STIM1: variants seen among roughly 807,000 people sequenced by gnomAD.
STIM1 encodes stromal interaction molecule 1.
Under a neutral mutation model 74.7 loss-of-function variants are expected in STIM1, and 25 were observed. The ratio of observed to expected loss-of-function variants is 0.33; its 90% CI spans 0.24 to 0.47. STIM1 has a LOEUF of 0.47. Ranked by LOEUF, STIM1 falls within the 20% of genes least tolerant of loss-of-function variation. STIM1 has a pLI of 1.00. For synonymous variants in STIM1, 328 were observed against 348.8 expected, an observed-to-expected ratio of 0.94 and a Z score of 0.66; for missense variants, 728 against 920.8, an observed-to-expected ratio of 0.79 and a Z score of 2.71.
chr11:4,024,938 A>G lies in STIM1; in HGVS notation c.385+951A>G, dbSNP rs182600105. ...GGGCACAGATAACAATAAGACTAGAAGAAATCTCTCTTCCCAGGGTCTCTT... is the reference window on the plus strand; with the variant it reads ...GGGCACAGATAACAATAAGACTAGAGGAAATCTCTCTTCCCAGGGTCTCTT... On this transcript the variant is annotated intron_variant, in intron 3 of 12. Coordinates refer to ENST00000526596, the MANE Select transcript of STIM1 (RefSeq NM_001382567.1). Among the ~76,000 whole-genome samples, 19 of 152,312 alleles carry G rather than the reference A, an allele frequency of 1.2e-4. 1 individual carries two copies. The East Asian group carries it at 3.7e-3, about 29-fold the overall frequency.
At chr11:3,873,885 A>G (rs2091222706) in intron 1 of STIM1, among the ~76,000 whole-genome samples, 1 of 152,100 alleles carries the variant, frequency 6.6e-6, no homozygotes. Flanking sequence ...AGCATATCTA[A>G]TTGGCTGAAC....
chr11:4,066,945 A>C (rs774999096), intron 5 of STIM1, among the ~76,000 whole-genome samples: 2 of 152,130 alleles, frequency 1.3e-5, no homozygotes, highest in Non-Finnish European at 2.9e-5. Context: ...TGATTCATAG[A>C]CTCACTTAGT....
intron 2 of STIM1, among the ~76,000 whole-genome samples, chr11:3,974,998 AC>A (rs1419854685): frequency 1.3e-5 from 2 of 152,184 alleles, no homozygotes; most frequent in Admixed American, 1.3e-4. Context: ...CAGTCATTAA[AC>A]AAATTCTTAT....
At chr11:3,895,671 T>TTTCTTTCTTTCC (rs2092072574) in intron 1 of STIM1, among the ~76,000 whole-genome samples, 20 of 43,368 alleles carry the variant, frequency 4.6e-4, no homozygotes, top group East Asian at 9.0e-4. Flanking sequence ...TCTTTCTTTC[T>TTTCTTTCTTTCC]TTCCTTCCTT....
intron 1 of STIM1, among the ~76,000 whole-genome samples, chr11:3,857,346 G>C (rs928211363): frequency 6.6e-6 from 1 of 151,714 alleles, no homozygotes; most frequent in Non-Finnish European, 1.5e-5. Flanking sequence ...CAAACTCCTG[G>C]GTTCAAGTGA....
chr11:3,900,489 C>T (rs954715320), intron 1 of STIM1, among the ~76,000 whole-genome samples: 8 of 152,242 alleles, frequency 5.3e-5, no homozygotes, highest in Admixed American at 5.2e-4. Context: ...GAACCCGGTA[C>T]CTCACATGGA....
intron 1 of STIM1, among the ~76,000 whole-genome samples, chr11:3,929,760 A>G (rs990681491): frequency 6.6e-6 from 1 of 152,112 alleles, no homozygotes; most frequent in African/African-American, 2.4e-5. Flanking sequence ...TTTTGTTCAG[A>G]GTGGACCCCG....
intron 2 of STIM1, among the ~76,000 whole-genome samples, chr11:3,972,471 A>G (rs1485679451): frequency 6.6e-6 from 1 of 151,660 alleles, no homozygotes; most frequent in Non-Finnish European, 1.5e-5. Context: ...TCTTTTTTTT[A>G]TAGACACATT....
intron 2 of STIM1, among the ~76,000 whole-genome samples, chr11:4,009,960 A>T (rs933040393): frequency 6.6e-6 from 1 of 151,610 alleles, no homozygotes; most frequent in Non-Finnish European, 1.5e-5. Flanking sequence ...CCACAAGTGC[A>T]CACCACCACA....
intron 2 of STIM1, chr11:3,989,372 C>T (rs1284037634): frequency 1.3e-6 from 1 of 781,370 alleles, no homozygotes; most frequent in Non-Finnish European, 2.4e-6. Flanking sequence ...TCCACTTTTG[C>T]AGGAGCAGGT....
chr11:3,976,021 C>G lies in STIM1; in HGVS notation c.270+8339C>G, dbSNP rs576885073. 4.5e-4 allele frequency among the ~76,000 whole-genome samples: 69 copies of G among 152,242 alleles called. 1 individual carries two copies. Among genetic ancestry groups the G allele is most frequent in the East Asian group, 5.8e-4 (3 of 5,182 alleles). On this transcript the variant is annotated intron_variant, in intron 2 of 12. Transcript: ENST00000526596. ...ATGAAACTTTATATTCACAGTAGAA[C>G]CTGTATATGAATGTTTATAGTATCT...
chr11:3,883,674 C>T (rs2091603165), intron 1 of STIM1, among the ~76,000 whole-genome samples: 1 of 152,214 alleles, frequency 6.6e-6, no homozygotes, highest in Non-Finnish European at 1.5e-5. Flanking sequence ...TTTTTATTGT[C>T]TGCTTCAAAC....
intron 3 of STIM1, among the ~76,000 whole-genome samples, chr11:4,038,278 G>T (rs1283361976): frequency 6.6e-6 from 1 of 151,982 alleles, no homozygotes; most frequent in Non-Finnish European, 1.5e-5. Context: ...CAGGTGATCC[G>T]CCTACCTCGG....
rs12280732 is a variant in STIM1, at chr11:3,962,915, A to G, written c.140-4637A>G. Among the ~76,000 whole-genome samples, 1,146 of 152,286 alleles carry G rather than the reference A, an allele frequency of 7.5e-3. 11 individuals carry two copies. Among genetic ancestry groups the G allele is most frequent in the Non-Finnish European group, 8.9e-3 (607 of 68,018 alleles). ...TAAAATGAATTAATAACTAAATATAAAAATTTGTGTTTTACTTTCCTTTTT... is the reference window on the plus strand; with the variant it reads ...TAAAATGAATTAATAACTAAATATAGAAATTTGTGTTTTACTTTCCTTTTT... On this transcript the variant is annotated intron_variant, in intron 1 of 12. Transcript: ENST00000526596.
chr11:3,882,472 C>T (rs2091553589), intron 1 of STIM1, among the ~76,000 whole-genome samples: 1 of 152,178 alleles, frequency 6.6e-6, no homozygotes, highest in Non-Finnish European at 1.5e-5. Context: ...TATTCATCCA[C>T]ACGTGGGCAA....
At chr11:4,041,408 T>C (rs1298428020) in intron 3 of STIM1, among the ~76,000 whole-genome samples, 2 of 152,170 alleles carry the variant, frequency 1.3e-5, no homozygotes, top group African/African-American at 4.8e-5. Context: ...ATAATAATTA[T>C]AGATGATTTT....
chr11:3,858,064 C>T (rs2090453039), intron 1 of STIM1, among the ~76,000 whole-genome samples: 2 of 152,192 alleles, frequency 1.3e-5, no homozygotes, highest in African/African-American at 4.8e-5. Context: ...ATCATCTCTT[C>T]CTGTCCCTGT....
chr11:3,935,857 A>G (rs961090263), intron 1 of STIM1, among the ~76,000 whole-genome samples: 2 of 152,234 alleles, frequency 1.3e-5, no homozygotes, highest in African/African-American at 4.8e-5. Flanking sequence ...GATTGTGTGC[A>G]TCATTGAGAA....
intron 3 of STIM1, among the ~76,000 whole-genome samples, chr11:4,053,745 A>G (rs1267766039): frequency 6.6e-6 from 1 of 152,112 alleles, no homozygotes; most frequent in Non-Finnish European, 1.5e-5. Context: ...TAAAAAAAAG[A>G]AAGAAAGAAA....
Sources: gnomAD v4.1 joint callset for allele counts (sites outside exome capture counted in the v4.1 genomes callset) on GRCh38, gnomAD v4.1.1 for gene constraint, MANE v1.5 for transcripts, NCBI Gene and HGNC (gene_info 2026-07-23, HGNC 2026-07-21) for gene names.